ENOX1: variants seen among roughly 807,000 people sequenced by gnomAD.
ENOX1 encodes candidate growth-related and time keeping constitutive hydroquinone (NADH) oxidase.
Under a neutral mutation model 82.5 loss-of-function variants are expected in ENOX1, and 42 were observed. That is an observed-to-expected ratio of 0.51 (90% confidence interval 0.40 to 0.66). The LOEUF (loss-of-function observed/expected upper bound fraction) is 0.66, where lower values mean the gene tolerates loss of function less well. ENOX1 is among the 30% of genes least tolerant of loss of function. The pLI, the probability that ENOX1 is intolerant of heterozygous loss-of-function variation, is 0.00. For missense variants in ENOX1, 608 were observed against 811.6 expected, an observed-to-expected ratio of 0.75 and a Z score of 3.05; for synonymous variants, 271 against 282.2, an observed-to-expected ratio of 0.96 and a Z score of 0.40.
intron 14 of ENOX1, among the ~76,000 whole-genome samples, chr13:43,249,571 G>C (rs982346859): frequency 1.3e-5 from 2 of 152,108 alleles, no homozygotes; most frequent in Non-Finnish European, 2.9e-5. Context: ...TATTTTCTCA[G>C]TTCATTTCTC....
intron 4 of ENOX1, 127 bp downstream of exon 4, chr13:43,412,718 C>T: frequency 9.6e-7 from 1 of 1,041,812 alleles, no homozygotes; most frequent in Non-Finnish European, 1.4e-6. Context: ...TTCACTAGTT[C>T]TACAGACTGA....
At chr13:43,442,907 T>G (rs982850432) in intron 3 of ENOX1, among the ~76,000 whole-genome samples, 1 of 152,176 alleles carries the variant, frequency 6.6e-6, no homozygotes, top group African/African-American at 2.4e-5. Flanking sequence ...CTTTAGAATA[T>G]CTGTTGTATA....
At chr13:43,335,507 G>A (rs1367674998) in intron 9 of ENOX1, among the ~76,000 whole-genome samples, 3 of 151,922 alleles carry the variant, frequency 2.0e-5, no homozygotes, top group South Asian at 4.2e-4. Flanking sequence ...CATTCCCCTC[G>A]CCTGATGTGG....
intron 2 of ENOX1, among the ~76,000 whole-genome samples, chr13:43,514,850 T>C (rs1236385870): frequency 6.7e-5 from 2 of 29,654 alleles, no homozygotes; most frequent in Non-Finnish European, 1.5e-4. Flanking sequence ...AGGTGGTTTC[T>C]ATGGAGAAAA....
chr13:43,270,394 G>A (rs1364805971), intron 12 of ENOX1, among the ~76,000 whole-genome samples: 1 of 152,218 alleles, frequency 6.6e-6, no homozygotes, highest in African/African-American at 2.4e-5. Flanking sequence ...CGAAAAGACA[G>A]AGTGCATTTC....
Position 43,247,865 on chromosome 13 carries a change from ATATATATATATATATATAT to A in ENOX1, c.1612-11146_1612-11128del, listed in dbSNP as rs2043201484. Among the ~76,000 whole-genome samples, 4 of 1,888 alleles carry A rather than the reference ATATATATATATATATATAT, an allele frequency of 2.1e-3. 1 individual carries two copies. The highest frequency in any genetic ancestry group is 7.5e-3 in the African/African-American group (4 of 534). The allele number at this position is 1,888 out of a possible 152,430, so 1.2% of individuals were successfully genotyped here. On this transcript the variant is annotated intron_variant, in intron 14 of 16. Coordinates refer to ENST00000690772, the MANE Select transcript of ENOX1 (RefSeq NM_001347969.2). ...TATATATATATATATATATATATAT[ATATATATATATATATATAT>A]TTTTTTTTTTTTTTTTTTTGAGACG... is the stretch of plus-strand genomic sequence containing the variant.
At chr13:43,319,473 A>G (rs1003043997) in intron 11 of ENOX1, among the ~76,000 whole-genome samples, 4 of 152,242 alleles carry the variant, frequency 2.6e-5, no homozygotes, top group African/African-American at 4.8e-5. Context: ...TTTTTTAAAA[A>G]GTAAACCCAA....
At chr13:43,343,396 A>G (rs1293782022) in intron 9 of ENOX1, among the ~76,000 whole-genome samples, 1 of 152,236 alleles carries the variant, frequency 6.6e-6, no homozygotes, top group Non-Finnish European at 1.5e-5. Context: ...GTGTGAAGAC[A>G]GAAGTCTTAT....
intron 12 of ENOX1, among the ~76,000 whole-genome samples, chr13:43,271,181 T>C (rs1566386374): frequency 2.6e-5 from 4 of 152,226 alleles, no homozygotes; most frequent in Non-Finnish European, 4.4e-5. Flanking sequence ...AGGTAGCTCA[T>C]GTTTGCTTAT....
At chr13:43,481,492 T>C (rs1402826816) in intron 3 of ENOX1, among the ~76,000 whole-genome samples, 1 of 152,134 alleles carries the variant, frequency 6.6e-6, no homozygotes. Context: ...CCTTATTTTA[T>C]ACCAGACACC....
chr13:43,696,091 A>C (rs694480), intron 1 of ENOX1, among the ~76,000 whole-genome samples: 109,752 of 152,090 alleles, frequency 0.72, 42,910 homozygotes, highest in South Asian at 0.88. Flanking sequence ...ATGTCTTCAA[A>C]GTTCATCTAT....
At chr13:43,301,566 G>C (rs1480246264) in intron 11 of ENOX1, among the ~76,000 whole-genome samples, 1 of 100,734 alleles carries the variant, frequency 9.9e-6, no homozygotes, top group Non-Finnish European at 2.0e-5. Flanking sequence ...ACCCACAACA[G>C]CTGTAATTCC....
At chr13:43,470,983 A>G (rs1444910546) in intron 3 of ENOX1, among the ~76,000 whole-genome samples, 1 of 152,204 alleles carries the variant, frequency 6.6e-6, no homozygotes, top group Non-Finnish European at 1.5e-5. Flanking sequence ...GAGTACACCT[A>G]TCTATGACCA....
intron 2 of ENOX1, among the ~76,000 whole-genome samples, chr13:43,484,451 A>G (rs1566348562): frequency 1.3e-5 from 2 of 152,214 alleles, no homozygotes; most frequent in Admixed American, 1.3e-4. Context: ...CAGTGACAGT[A>G]TTTACTGAGT....
chr13:43,401,289 C>T (rs2053481668), intron 5 of ENOX1, among the ~76,000 whole-genome samples: 1 of 152,162 alleles, frequency 6.6e-6, no homozygotes, highest in African/African-American at 2.4e-5. Flanking sequence ...TATTCTCCTA[C>T]TTTAAACAAC....
intron 1 of ENOX1, among the ~76,000 whole-genome samples, chr13:43,676,403 A>C (rs1003341721): frequency 2.0e-5 from 3 of 152,174 alleles, no homozygotes; most frequent in Admixed American, 6.6e-5. Flanking sequence ...TACCTGTACA[A>C]GTTTTAAAAA....
At chr13:43,558,263 A>C (rs892703404) in intron 2 of ENOX1, among the ~76,000 whole-genome samples, 1 of 152,184 alleles carries the variant, frequency 6.6e-6, no homozygotes, top group African/African-American at 2.4e-5. Context: ...GATTACTGTC[A>C]GTTTTTCAGC....
Position 43,470,238 on chromosome 13 carries a change from G to GTGTGTGTGTGTA in ENOX1, c.-75+13770_-75+13771insTACACACACACA, listed in dbSNP as rs1566304556. ...TATATGTGTGTGTATGTGTGTGTGT[G>GTGTGTGTGTGTA]TATATATATACATATATATATACAT... On this transcript the variant is annotated intron_variant, in intron 3 of 16. Coordinates refer to ENST00000690772, the MANE Select transcript of ENOX1 (RefSeq NM_001347969.2). 9.2e-5 allele frequency among the ~76,000 whole-genome samples: 8 copies of GTGTGTGTGTGTA among 86,824 alleles called. 2 individuals are homozygous for GTGTGTGTGTGTA. Among genetic ancestry groups the GTGTGTGTGTGTA allele is most frequent in the African/African-American group, 2.6e-4 (7 of 27,256 alleles). 57.0% of individuals were successfully genotyped at this position (86,824 alleles called of 152,430 possible).
At chr13:43,571,540 A>G (rs1334098722) in intron 2 of ENOX1, among the ~76,000 whole-genome samples, 1 of 151,876 alleles carries the variant, frequency 6.6e-6, no homozygotes, top group Non-Finnish European at 1.5e-5. Context: ...AAAATACAAA[A>G]TTAGCCGGGC....
Sources: gnomAD v4.1 joint callset for allele counts (sites outside exome capture counted in the v4.1 genomes callset) on GRCh38, gnomAD v4.1.1 for gene constraint, MANE v1.5 for transcripts, NCBI Gene and HGNC (gene_info 2026-07-23, HGNC 2026-07-21) for gene names.